ERG: variants seen among roughly 807,000 people sequenced by gnomAD.
The protein encoded by ERG is transcriptional regulator ERG.
In ERG, 9 loss-of-function variants were observed where a neutral mutation model predicts 55.3. The ratio of observed to expected loss-of-function variants is 0.16; its 90% CI spans 0.10 to 0.28. The LOEUF (loss-of-function observed/expected upper bound fraction) is 0.28. Among genes scored for constraint, ERG ranks in the 10% least tolerant of loss-of-function variants. ERG has a pLI of 1.00. For synonymous variants in ERG, 223 were observed against 237.3 expected, an observed-to-expected ratio of 0.94 and a Z score of 0.55; for missense variants, 434 against 631.6, an observed-to-expected ratio of 0.69 and a Z score of 3.35.
intron 3 of ERG, among the ~76,000 whole-genome samples, chr21:38,412,661 ACT>A (rs1017842009): frequency 1.3e-5 from 2 of 150,912 alleles, no homozygotes; most frequent in African/African-American, 4.9e-5. Context: ...TTAGCAACAA[ACT>A]CTCTTTTTAA....
intron 2 of ERG, among the ~76,000 whole-genome samples, chr21:38,543,874 C>T (rs189358640): frequency 1.9e-3 from 293 of 151,880 alleles, no homozygotes; most frequent in Non-Finnish European, 1.7e-3. Flanking sequence ...GTAGCTGGGA[C>T]TTCAGGCATG....
intron 2 of ERG, among the ~76,000 whole-genome samples, chr21:38,547,638 T>C (rs1242251575): frequency 2.0e-5 from 3 of 152,264 alleles, no homozygotes; most frequent in Non-Finnish European, 4.4e-5. Flanking sequence ...GGATGCTTTT[T>C]GTTTTGCTGT....
At chr21:38,615,016 C>T (rs1601315976) in intron 1 of ERG, among the ~76,000 whole-genome samples, 2 of 152,282 alleles carry the variant, frequency 1.3e-5, no homozygotes, top group Admixed American at 1.3e-4. Context: ...TACATCACTG[C>T]CTGAGATACC....
intron 9 of ERG, 118 bp downstream of exon 9, chr21:38,390,877 G>A (rs1987938452): frequency 3.9e-6 from 3 of 765,892 alleles, no homozygotes; most frequent in Non-Finnish European, 4.5e-6. Context: ...AATTCAGTGA[G>A]ACCTAAAACT....
rs2059613818 is a variant in ERG at position 38,524,063 on chromosome 21, A to G, written c.-41+51599T>C. Among the ~76,000 whole-genome samples the G allele has an allele frequency of 4.6e-5, 7 of 152,338 alleles. No individual in the cohort carries two copies. The South Asian group carries it at 1.2e-3, about 27-fold the overall frequency. On this transcript the variant is annotated intron_variant, in intron 2 of 8. Coordinates refer to the ERG transcript ENST00000398897. ...TTGTTAGTTCATACCTCTAAAAGAT[A>G]TATTTTGGAAGGCACCCTTCAACCC...
At chr21:38,629,549 A>G (rs1188165694) in intron 1 of ERG, among the ~76,000 whole-genome samples, 3 of 152,164 alleles carry the variant, frequency 2.0e-5, no homozygotes, top group African/African-American at 7.2e-5. Flanking sequence ...AATACTCAAC[A>G]TCAATGAGAT....
At chr21:38,466,311 G>A (rs954128909) in intron 1 of ERG, among the ~76,000 whole-genome samples, 5 of 151,140 alleles carry the variant, frequency 3.3e-5, no homozygotes, top group Non-Finnish European at 7.4e-5. Flanking sequence ...GTGTGTGTGT[G>A]TGTGTGTGTG....
chr21:38,502,147 C>T (rs963848763), upstream of ERG, among the ~76,000 whole-genome samples: 2 of 152,228 alleles, frequency 1.3e-5, no homozygotes, highest in Non-Finnish European at 1.5e-5. Flanking sequence ...AGAAGATTCA[C>T]TCATGACTCA....
At chr21:38,552,057 G>C (rs1489904871) in intron 2 of ERG, among the ~76,000 whole-genome samples, 3 of 152,106 alleles carry the variant, frequency 2.0e-5, no homozygotes, top group African/African-American at 7.2e-5. Flanking sequence ...GAACAGTTAA[G>C]TCTTCTTGTT....
At chr21:38,535,996 TAAGC>T (rs2059706966) in intron 2 of ERG, among the ~76,000 whole-genome samples, 1 of 152,184 alleles carries the variant, frequency 6.6e-6, no homozygotes, top group Admixed American at 6.5e-5. Context: ...TTACCCTGCC[TAAGC>T]AACCATTTCT....
intron 8 of ERG, among the ~76,000 whole-genome samples, chr21:38,391,346 A>T (rs1327915512): frequency 2.0e-5 from 3 of 152,192 alleles, no homozygotes; most frequent in African/African-American, 7.2e-5. Context: ...AGCCCCATCA[A>T]TCCAGGGCCG....
chr21:38,517,712 T>C (rs781019904), intron 2 of ERG, among the ~76,000 whole-genome samples: 3 of 152,084 alleles, frequency 2.0e-5, no homozygotes, highest in African/African-American at 4.8e-5. Flanking sequence ...AACCTAAATG[T>C]CCATCCACAG....
intron 1 of ERG, among the ~76,000 whole-genome samples, chr21:38,637,774 ATC>A (rs1264338249): frequency 6.6e-6 from 1 of 151,888 alleles, no homozygotes; most frequent in Non-Finnish European, 1.5e-5. Context: ...TCTTTTTCTT[ATC>A]TGTTAGTTTT....
chr21:38,468,255 C>T (rs557626283), intron 1 of ERG, among the ~76,000 whole-genome samples: 22 of 152,164 alleles, frequency 1.4e-4, no homozygotes, highest in Non-Finnish European at 2.8e-4. Flanking sequence ...CTGTCTCACT[C>T]CTTTCTCTCT....
chr21:38,457,312 TG>T (rs2058999302), intron 1 of ERG, among the ~76,000 whole-genome samples: 1 of 152,066 alleles, frequency 6.6e-6, no homozygotes, highest in South Asian at 2.1e-4. Context: ...GGCACATGCC[TG>T]TAGTCCCAGC....
chr21:38,609,380 T>C (rs1419886480), intron 1 of ERG, among the ~76,000 whole-genome samples: 34 of 151,782 alleles, frequency 2.2e-4, no homozygotes, highest in Non-Finnish European at 2.9e-5. Context: ...TATCCACAAA[T>C]TTCAAAGAAT....
intron 1 of ERG, among the ~76,000 whole-genome samples, chr21:38,488,886 C>T (rs1180922234): frequency 2.0e-5 from 3 of 152,246 alleles, no homozygotes; most frequent in East Asian, 1.9e-4. Context: ...TAGATGACAC[C>T]GAGGATGAGA....
chr21:38,541,979 C>CCA (rs1568897581), intron 2 of ERG, among the ~76,000 whole-genome samples: 2 of 151,968 alleles, frequency 1.3e-5, no homozygotes. Context: ...TAAAAATACT[C>CCA]TACACTGTTT....
intron 2 of ERG, among the ~76,000 whole-genome samples, chr21:38,544,900 A>G (rs2059778243): frequency 6.6e-6 from 1 of 152,036 alleles, no homozygotes; most frequent in African/African-American, 2.4e-5. Context: ...CCCTCCCCAC[A>G]GTCAGCTCAC....
Sources: gnomAD v4.1 joint callset for allele counts (sites outside exome capture counted in the v4.1 genomes callset) on GRCh38, gnomAD v4.1.1 for gene constraint, MANE v1.5 for transcripts, NCBI Gene and HGNC (gene_info 2026-07-23, HGNC 2026-07-21) for gene names.